CC2D2A: variants seen among roughly 807,000 people sequenced by gnomAD.
CC2D2A encodes the protein coiled-coil and C2 domain containing 2A.
Under a neutral mutation model 212.9 loss-of-function variants are expected in CC2D2A, and 155 were observed. The observed-to-expected ratio is 0.73, with a 90% CI of 0.64 to 0.83. The LOEUF (loss-of-function observed/expected upper bound fraction) is 0.83. Among genes scored for constraint, CC2D2A ranks in the 40% least tolerant of loss-of-function variants. CC2D2A has a pLI of 0.00. For missense variants in CC2D2A, 1,856 were observed against 1,956.2 expected (o/e 0.95, Z 0.97); for synonymous variants, 667 against 686.5 (o/e 0.97, Z 0.44).
Position 15,600,903 on chromosome 4 carries a change from C to CAAAAAAAAA in CC2D2A, c.4675-324_4675-316dup, listed in dbSNP as rs5856308. Reference sequence around the variant, plus strand: ...GCATGGACAACAGTCAGACCTGTCTCAAAAAAAAAAAAAAAAAAGAAAAAA... The same window carrying CAAAAAAAAA: ...GCATGGACAACAGTCAGACCTGTCTCAAAAAAAAAAAAAAAAAAAAAAAAAAAGAAAAAA... On this transcript the variant is annotated intron_variant, in intron 36 of 36. Coordinates refer to ENST00000424120, the MANE Select transcript of CC2D2A (RefSeq NM_001378615.1). Among the ~76,000 whole-genome samples the CAAAAAAAAA allele has an allele frequency of 4.7e-4, 44 of 92,682 alleles. 1 individual carries two copies. Among genetic ancestry groups the CAAAAAAAAA allele is most frequent in the Non-Finnish European group, 6.6e-4 (30 of 45,210 alleles). 60.8% of individuals were successfully genotyped at this position (92,682 alleles called of 152,430 possible). A position where few individuals can be genotyped will look rare whatever the true frequency, so the allele number is the denominator to read the frequency against.
At chr4:15,496,411 T>C (rs1171803314) in intron 4 of CC2D2A, among the ~76,000 whole-genome samples, 1 of 152,130 alleles carries the variant, frequency 6.6e-6, no homozygotes, top group Admixed American at 6.5e-5. Flanking sequence ...TTTTTGTATA[T>C]GGTGAAAGGA....
rs200765238 is a variant in CC2D2A at position 15,514,739 on chromosome 4, C to T, written c.750C>T (p.Ala250=). Residue 250 remains alanine (A), a synonymous_variant, in exon 9 of 37, where the codon GCC becomes GCT. Coordinates refer to ENST00000424120, the MANE Select transcript of CC2D2A (RefSeq NM_001378615.1). ...AAGAACTGCTTAATGGTGATGATGC[C>T]GAGGACTTCCTATTGGGCTTAGATC... ...DEEELLNGDD[A]EDFLLGLDHV... is the part of the protein sequence containing the mutation. 33 of 1,602,158 alleles carry T rather than the reference C, an allele frequency of 2.1e-5. No homozygotes were observed. The highest frequency in any genetic ancestry group is 1.1e-4 in the African/African-American group (8 of 74,800).
Position 15,533,337 on chromosome 4 carries a change from G to A in CC2D2A, c.1607+4G>A, listed in dbSNP as rs1211819619. ...CCTTGAAACTTGTTTTGAGAAAGTA[G>A]GCTTTTTTGAAAAATTATTTTATTG... On this transcript the variant is annotated splice_donor_region_variant and intron_variant, in intron 14 of 36. Coordinates refer to ENST00000424120, the MANE Select transcript of CC2D2A (RefSeq NM_001378615.1). 3 of 1,527,202 alleles carry A rather than the reference G, an allele frequency of 2.0e-6. No individual in the cohort carries two copies. Among genetic ancestry groups the A allele is most frequent in the Non-Finnish European group, 2.6e-6 (3 of 1,139,092 alleles). 94.6% of individuals were successfully genotyped at this position (1,527,202 alleles called of 1,614,324 possible). A position where few individuals can be genotyped will look rare whatever the true frequency, so the allele number is the denominator to read the frequency against.
chr4:15,479,544 C>T (rs75084791), intron 3 of CC2D2A, among the ~76,000 whole-genome samples: 1 of 152,012 alleles, frequency 6.6e-6, no homozygotes, highest in Non-Finnish European at 1.5e-5. Context: ...CCTCCTAGCT[C>T]CCCCCTTGCT....
Position 15,599,563 on chromosome 4 carries a change from T to C in CC2D2A, c.4531T>C (p.Trp1511Arg), listed in dbSNP as rs1721483506. 1 of 1,592,030 alleles carries C rather than the reference T, an allele frequency of 6.3e-7. No homozygotes were observed. The highest frequency in any genetic ancestry group is 8.6e-7 in the Non-Finnish European group (1 of 1,165,278). ...AATACTAAAAGAAAAAATCATGGAC[T>C]GGAGGCCACGCCATCTGACTCGGTG... The part of the protein sequence containing the change: ...EKILKEKIMD[W>R]RPRHLTRWNR... The change falls in exon 36 of 37, where the codon TGG (tryptophan) becomes CGG (arginine). Residue 1511 changes from tryptophan (W) to arginine (R), a missense_variant. By Grantham distance (101) the Trp-to-Arg change is moderately radical. Coordinates refer to ENST00000424120, the MANE Select transcript of CC2D2A (RefSeq NM_001378615.1).
chr4:15,510,168 A>G lies in CC2D2A; in HGVS notation c.468A>G (p.Gln156=). 1.2e-6 allele frequency: 2 copies of G among 1,613,574 alleles called. No homozygotes were observed. The highest frequency in any genetic ancestry group is 3.3e-5 in the Admixed American group (2 of 59,978). ...EPGKEVERTQ[Q]EVDSQSYSRV... ...GGAAAGAGGTAGAAAGGACTCAACA[A>G]GAAGTTGACTCCCAAAGTTACTCAA... Residue 156 remains glutamine, a synonymous_variant, in exon 7 of 37, where the codon CAA becomes CAG. Transcript: ENST00000424120.
intron 33 of CC2D2A, 60 bp downstream of exon 33, chr4:15,589,739 C>CTAT: frequency 2.5e-6 from 3 of 1,207,714 alleles, no homozygotes; most frequent in Non-Finnish European, 3.2e-6. Context: ...AATAACTGAC[C>CTAT]TATTGATTTA....
At chr4:15,470,687 CTCTATATATATATATATA>C (rs1484676666) in intron 1 of CC2D2A, among the ~76,000 whole-genome samples, 805 of 32,250 alleles carry the variant, frequency 0.025, 1 homozygote, top group East Asian at 0.092. Context: ...CTCTCTCTCT[CTCTATATATATATATATA>C]TATATATATA....
chr4:15,537,865 C>T (rs770860976), intron 15 of CC2D2A, 34 bp from the exon 16 acceptor site: 2 of 1,555,528 alleles, frequency 1.3e-6, no homozygotes, highest in African/African-American at 2.7e-5. Context: ...TTCCAAAATT[C>T]CTGTTTGATA....
In CC2D2A at chr4:15,469,906, A is replaced by C. The variant is rs1004071038; in HGVS notation, c.-170A>C. 1 of 151,774 alleles carries C rather than the reference A, an allele frequency of 6.6e-6. No individual in the cohort carries two copies. Among genetic ancestry groups the C allele is most frequent in the Admixed American group, 6.6e-5 (1 of 15,248 alleles). 9.4% of individuals were successfully genotyped at this position (151,774 alleles called of 1,614,324 possible). ...TAAGCTGGTGTTTTTGCTCCAAGAC[A>C]TGGCTGCAGCTTCCCAGGGAGGAGC... On this transcript the variant is annotated 5_prime_UTR_variant, in exon 1 of 37. It removes an upstream start codon present in the reference 5' UTR. Coordinates refer to ENST00000424120, the MANE Select transcript of CC2D2A (RefSeq NM_001378615.1).
In CC2D2A at chr4:15,478,791, GC is replaced by G. The variant is rs749965862; in HGVS notation, c.110del (p.Pro37GlnfsTer37). On this transcript the variant is annotated frameshift_variant, in exon 3 of 37. Coordinates refer to ENST00000424120, the MANE Select transcript of CC2D2A (RefSeq NM_001378615.1). LOFTEE classifies it high-confidence loss of function. Reference sequence around the variant, plus strand: ...ATAAGAACTCAAAGGTTCGAAGACAGCCAAGAAAGAAACAGGTAAGAAGTGA... The same window carrying G: ...ATAAGAACTCAAAGGTTCGAAGACAGCAAGAAAGAAACAGGTAAGAAGTGA... Reference protein sequence around the residue: ...QNKNSKVRRQPRKKQPPTAVP... With the variant: ...QNKNSKVRRQXRKKQPPTAVP... 1.9e-6 allele frequency: 3 copies of G among 1,553,752 alleles called. No homozygotes were observed. The South Asian group carries it at 3.6e-5, about 18-fold the overall frequency.
chr4:15,527,688 A>G (rs917679337), intron 12 of CC2D2A, 32 bp downstream of exon 12: 19 of 1,524,678 alleles, frequency 1.2e-5, no homozygotes, highest in South Asian at 7.2e-5. Flanking sequence ...ATGATTGTCA[A>G]TGGAGTTGGT....
At chr4:15,536,799 A>T in intron 14 of CC2D2A, 121 bp from the exon 15 acceptor site, 1 of 852,604 alleles carries the variant, frequency 1.2e-6, no homozygotes, top group Non-Finnish European at 1.8e-6. Flanking sequence ...GTGAGTTTAC[A>T]TGTGCGACAT....
chr4:15,540,014 A>G (rs1212590925), intron 16 of CC2D2A, among the ~76,000 whole-genome samples: 1 of 152,252 alleles, frequency 6.6e-6, no homozygotes, highest in African/African-American at 2.4e-5. Context: ...TAGACAACAT[A>G]GTAATTGTAT....
chr4:15,477,912 T>C (rs763673190), intron 2 of CC2D2A, among the ~76,000 whole-genome samples: 15 of 152,200 alleles, frequency 9.9e-5, no homozygotes, highest in Non-Finnish European at 1.6e-4. Flanking sequence ...AATTCATACT[T>C]TGTGTTCCGA....
Position 15,538,033 on chromosome 4 carries a change from G to C in CC2D2A, c.1899G>C (p.Glu633Asp), listed in dbSNP as rs886042809. 1 of 1,608,446 alleles carries C rather than the reference G, an allele frequency of 6.2e-7. No individual in the cohort carries two copies. The highest frequency in any genetic ancestry group is 1.3e-5 in the African/African-American group (1 of 74,862). ...CTGATCGGGCAGTGATAGAGCAGGA[G>C]GTGAGGGAGAGAGCAGCCCAGAGCA... is the stretch of plus-strand genomic sequence containing the variant. Reference protein sequence around the residue: ...EPTDRAVIEQEVRERAAQSRR... With the variant: ...EPTDRAVIEQDVRERAAQSRR... The change falls in exon 16 of 37, where the codon GAG becomes GAC. Residue 633 changes from glutamate to aspartate, a missense_variant. Around this residue, in one of 5 missense-constraint regions of CC2D2A, gnomAD observed 1,512 missense variants for 1,579.3 expected, o/e 0.96. Coordinates refer to ENST00000424120, the MANE Select transcript of CC2D2A (RefSeq NM_001378615.1).
At chr4:15,499,528 A>T (rs1715802821) in intron 4 of CC2D2A, among the ~76,000 whole-genome samples, 1 of 152,244 alleles carries the variant, frequency 6.6e-6, no homozygotes, top group Non-Finnish European at 1.5e-5. Context: ...TTTAAAACTA[A>T]TAATAAACCT....
intron 33 of CC2D2A, among the ~76,000 whole-genome samples, chr4:15,591,714 G>T (rs977014940): frequency 1.3e-5 from 2 of 152,126 alleles, no homozygotes; most frequent in Non-Finnish European, 1.5e-5. Flanking sequence ...AATGAAAAGT[G>T]ATCTGCTAAG....
chr4:15,574,227 G>A lies in CC2D2A; in HGVS notation c.3672G>A (p.Arg1224=). 1 of 1,551,418 alleles carries A rather than the reference G, an allele frequency of 6.4e-7. No homozygotes were observed. The highest frequency in any genetic ancestry group is 1.2e-5 in the South Asian group (1 of 84,048). The stretch of plus-strand genomic sequence containing the variant: ...AGGAGCGAAATATGATTCTTGAGCG[G>A]GGTTTTGATTCTGTCCGAAGCTTAA... ...YSKERNMILE[R]GFDSVRSLSE... Residue 1224 remains arginine, a synonymous_variant, in exon 29 of 37, where the codon CGG becomes CGA. Coordinates refer to ENST00000424120, the MANE Select transcript of CC2D2A (RefSeq NM_001378615.1).
Sources: gnomAD v4.1 joint callset for allele counts (sites outside exome capture counted in the v4.1 genomes callset) on GRCh38, gnomAD v4.1.1 for gene constraint, gnomAD v4.1.1 regional missense constraint, MANE v1.5 for transcripts, NCBI Gene and HGNC (gene_info 2026-07-23, HGNC 2026-07-21) for gene names.